The following SGCZ variants were observed in gnomAD, a reference collection of about 807,000 sequenced individuals.
SGCZ encodes sarcoglycan zeta, also known as zeta-sarcoglycan.
SGCZ carries 40 observed loss-of-function variants against 41.3 expected under a neutral mutation model. The observed-to-expected ratio is 0.97, with a 90% CI of 0.75 to 1.26. The LOEUF is 1.26. Ranked by LOEUF, SGCZ falls within the 50% of genes most tolerant of loss-of-function variation. SGCZ has a pLI of 0.00. For synonymous variants in SGCZ, 206 were observed against 137.5 expected (o/e 1.50, Z -3.49); for missense variants, 552 against 369.8 (o/e 1.49, Z -4.04).
At chr8:14,332,799 G>C (rs900823439) in intron 2 of SGCZ, 2 of 150,856 alleles carry the variant, frequency 1.3e-5, no homozygotes, top group African/African-American at 2.4e-5. Context: ...ATAGAGTATA[G>C]AGTATGTAGA....
intron 2 of SGCZ, among the ~76,000 whole-genome samples, chr8:14,436,680 C>T (rs1403080475): frequency 6.6e-6 from 1 of 152,182 alleles, no homozygotes; most frequent in Non-Finnish European, 1.5e-5. Flanking sequence ...GACTGTCATT[C>T]GCACTGCAGT....
intron 3 of SGCZ, among the ~76,000 whole-genome samples, chr8:14,287,838 C>A (rs1800693308): frequency 6.6e-6 from 1 of 151,998 alleles, no homozygotes; most frequent in South Asian, 2.1e-4. Flanking sequence ...AGTAGCCCGG[C>A]AGCTTTATTT....
At chr8:15,075,603 GGACTAGAAATTTGCCCAA>G (rs1805501756) in intron 1 of SGCZ, among the ~76,000 whole-genome samples, 1 of 152,084 alleles carries the variant, frequency 6.6e-6, no homozygotes, top group Non-Finnish European at 1.5e-5. Context: ...TGGAGAGCCT[GGACTAGAAATTTGCCCAA>G]GAGAGTTCTA....
chr8:14,956,598 A>G (rs1800799794), intron 1 of SGCZ, among the ~76,000 whole-genome samples: 1 of 152,190 alleles, frequency 6.6e-6, no homozygotes, highest in African/African-American at 2.4e-5. Flanking sequence ...AAAGTAACAC[A>G]ATAACAAAAT....
chr8:14,930,519 A>C (rs1337872168), intron 1 of SGCZ, among the ~76,000 whole-genome samples: 1 of 152,030 alleles, frequency 6.6e-6, no homozygotes, highest in Non-Finnish European at 1.5e-5. Context: ...TCATTCTACT[A>C]TAAAGACACA....
intron 1 of SGCZ, among the ~76,000 whole-genome samples, chr8:14,827,123 C>A (rs947433854): frequency 5.3e-5 from 8 of 151,248 alleles, no homozygotes; most frequent in African/African-American, 1.9e-4. Flanking sequence ...ATATACCAGA[C>A]CACCTTTCAG....
intron 1 of SGCZ, among the ~76,000 whole-genome samples, chr8:14,721,164 A>C (rs948181063): frequency 6.6e-6 from 1 of 152,112 alleles, no homozygotes; most frequent in Non-Finnish European, 1.5e-5. Context: ...AGTACTCGAA[A>C]GTTCAGTCCC....
intron 1 of SGCZ, among the ~76,000 whole-genome samples, chr8:14,733,366 C>A (rs1369127252): frequency 6.6e-6 from 1 of 152,198 alleles, no homozygotes; most frequent in Non-Finnish European, 1.5e-5. Context: ...TGCCTCCTAA[C>A]CAACCCTAGT....
chr8:14,266,398 C>T (rs569683150), intron 3 of SGCZ, among the ~76,000 whole-genome samples: 1 of 152,140 alleles, frequency 6.6e-6, no homozygotes, highest in East Asian at 1.9e-4. Flanking sequence ...ACCAAGATAA[C>T]TCACCTAATA....
At chr8:14,153,891 T>A (rs1334640893) in intron 5 of SGCZ, among the ~76,000 whole-genome samples, 6 of 146,138 alleles carry the variant, frequency 4.1e-5, no homozygotes. Context: ...ACCAGGTCGG[T>A]CAGTCTGTCT....
intron 1 of SGCZ, among the ~76,000 whole-genome samples, chr8:14,698,629 TG>T (rs1340016830): frequency 2.6e-5 from 4 of 151,928 alleles, no homozygotes; most frequent in South Asian, 2.1e-4. Flanking sequence ...AGCATATGTG[TG>T]GGGGGGTATA....
chr8:15,061,596 C>T (rs1478938994), intron 1 of SGCZ, among the ~76,000 whole-genome samples: 1 of 151,760 alleles, frequency 6.6e-6, no homozygotes, highest in African/African-American at 2.4e-5. Context: ...TGGATTCATT[C>T]TGTCCTGCTC....
intron 2 of SGCZ, among the ~76,000 whole-genome samples, chr8:14,343,386 G>C (rs1802778475): frequency 6.6e-6 from 1 of 152,174 alleles, no homozygotes; most frequent in African/African-American, 2.4e-5. Context: ...CTCAACACCA[G>C]CCTGTAACAT....
At chr8:14,543,607 T>C (rs1331483869) in intron 2 of SGCZ, among the ~76,000 whole-genome samples, 1 of 152,148 alleles carries the variant, frequency 6.6e-6, no homozygotes, top group African/African-American at 2.4e-5. Context: ...AGGCCATCTT[T>C]AGGTTTGATC....
chr8:15,025,200 A>C (rs1445039650), intron 1 of SGCZ, among the ~76,000 whole-genome samples: 2 of 152,116 alleles, frequency 1.3e-5, no homozygotes, highest in Non-Finnish European at 2.9e-5. Context: ...TAAGCATTTG[A>C]ACAAATGATG....
chr8:15,104,568 A>T (rs939075108), intron 1 of SGCZ, among the ~76,000 whole-genome samples: 1 of 152,314 alleles, frequency 6.6e-6, no homozygotes, highest in African/African-American at 2.4e-5. Flanking sequence ...TAGCCACGCA[A>T]ATTTTCCTGT....
intron 1 of SGCZ, among the ~76,000 whole-genome samples, chr8:14,718,213 A>G (rs1291261660): frequency 6.6e-6 from 1 of 151,856 alleles, no homozygotes; most frequent in African/African-American, 2.4e-5. Context: ...TTTTTAAAAG[A>G]TGGTTTTTCT....
intron 1 of SGCZ, among the ~76,000 whole-genome samples, chr8:14,787,125 A>T (rs1451669031): frequency 6.6e-6 from 1 of 152,204 alleles, no homozygotes; most frequent in African/African-American, 2.4e-5. Context: ...CATATGACAC[A>T]GAAGCAACAG....
At chr8:15,014,685 C>T (rs1802957810) in intron 1 of SGCZ, among the ~76,000 whole-genome samples, 1 of 152,140 alleles carries the variant, frequency 6.6e-6, no homozygotes, top group Admixed American at 6.5e-5. Flanking sequence ...ATGGCTAGTC[C>T]TTCAGTGCAC....
Sources: allele counts gnomAD v4.1 joint callset (sites outside exome capture counted in the v4.1 genomes callset), GRCh38; gene constraint gnomAD v4.1.1; transcripts MANE v1.5; gene names NCBI Gene and HGNC (gene_info 2026-07-23, HGNC 2026-07-21).